CNBD1: variants seen among roughly 807,000 people sequenced by gnomAD.
CNBD1 encodes the protein cyclic nucleotide binding domain containing 1, also known as cyclic nucleotide-binding domain-containing protein 1.
CNBD1 carries 71 observed loss-of-function variants against 54.4 expected under a neutral mutation model. The observed-to-expected ratio is 1.30, with a 90% CI of 1.08 to 1.59. The LOEUF is 1.59. Ranked by LOEUF, CNBD1 falls within the 40% of genes most tolerant of loss-of-function variation. The pLI, the probability that CNBD1 is intolerant of heterozygous loss-of-function variation, is 0.00. For synonymous variants in CNBD1, 182 were observed against 170.7 expected (o/e 1.07, Z -0.51); for missense variants, 659 against 518.0 (o/e 1.27, Z -2.64).
chr8:87,380,211 A>T (rs957255365), intron 10 of CNBD1, among the ~76,000 whole-genome samples: 1 of 152,016 alleles, frequency 6.6e-6, no homozygotes, highest in Non-Finnish European at 1.5e-5. Flanking sequence ...AAATGTCAAG[A>T]TAGAAATGCA....
intron 4 of CNBD1, among the ~76,000 whole-genome samples, chr8:87,192,083 G>A (rs1212698903): frequency 6.6e-6 from 1 of 152,036 alleles, no homozygotes; most frequent in Non-Finnish European, 1.5e-5. Context: ...CTATCAAAAT[G>A]ATAAAAAATT....
rs11273948 is a variant in CNBD1 at position 86,908,800 on chromosome 8, T to TTGAGATGGAGTCC, written c.272+3608_272+3609insAGATGGAGTCCTG. On this transcript the variant is annotated intron_variant, in intron 3 of 10. Coordinates refer to ENST00000518476, the MANE Select transcript of CNBD1 (RefSeq NM_173538.3). ...ATAAGAATTCTTTTTTTTTTTTTTT[T>TTGAGATGGAGTCC]TGTGCTGAGGGCAGGAGTGCAGTGG... 3.7e-5 allele frequency among the ~76,000 whole-genome samples: 5 copies of TTGAGATGGAGTCC among 135,776 alleles called. No homozygotes were observed. In the East Asian group the frequency reaches 8.5e-4, roughly 23 times the overall value. The allele number at this position is 135,776 out of a possible 152,430, so 89.1% of individuals were successfully genotyped here. A position where few individuals can be genotyped will look rare whatever the true frequency, so the allele number is the denominator to read the frequency against.
At chr8:86,913,099 A>C (rs1408923667) in intron 3 of CNBD1, among the ~76,000 whole-genome samples, 1 of 152,184 alleles carries the variant, frequency 6.6e-6, no homozygotes, top group Non-Finnish European at 1.5e-5. Flanking sequence ...AAATCTTATA[A>C]AGTCAAAATG....
In CNBD1 at chr8:87,377,862, A is replaced by G. The variant is rs1049515893; in HGVS notation, c.1304-4758A>G. 8.3e-3 allele frequency among the ~76,000 whole-genome samples: 1,243 copies of G among 149,244 alleles called. 22 individuals are homozygous for G. The highest frequency in any genetic ancestry group is 0.029 in the African/African-American group (1,132 of 39,042). On this transcript the variant is annotated intron_variant, in intron 10 of 10. Transcript: ENST00000518476. ...TTGCCATTCTAACTGGTGTGAGATG[A>G]TATCTCACTGTGGTTTCGATTTGCA...
chr8:87,259,787 G>A (rs911386861), intron 6 of CNBD1, among the ~76,000 whole-genome samples: 1 of 152,136 alleles, frequency 6.6e-6, no homozygotes, highest in Non-Finnish European at 1.5e-5. Flanking sequence ...TTTTCCTAAG[G>A]AGTCCAGACT....
chr8:86,933,450 T>C (rs902221833), intron 3 of CNBD1, among the ~76,000 whole-genome samples: 2 of 152,176 alleles, frequency 1.3e-5, no homozygotes, highest in African/African-American at 4.8e-5. Flanking sequence ...ATGTACACAA[T>C]GTTGAATACA....
chr8:87,197,581 C>T (rs531653913), intron 4 of CNBD1, among the ~76,000 whole-genome samples: 1 of 151,824 alleles, frequency 6.6e-6, no homozygotes, highest in Non-Finnish European at 1.5e-5. Context: ...TCTCCATGGC[C>T]CAAATCAGGC....
intron 2 of CNBD1, among the ~76,000 whole-genome samples, chr8:87,421,413 C>A (rs1334752653): frequency 3.0e-5 from 4 of 131,488 alleles, no homozygotes; most frequent in Non-Finnish European, 6.6e-5. Context: ...TCCCAATGCT[C>A]TCCCTCCCCC....
chr8:87,021,266 A>G (rs1462243676), intron 4 of CNBD1, among the ~76,000 whole-genome samples: 1 of 151,650 alleles, frequency 6.6e-6, no homozygotes, highest in African/African-American at 2.4e-5. Context: ...TTTCATCAAT[A>G]ATGTTAAATA....
At chr8:87,368,335 T>C (rs1259631247) in intron 10 of CNBD1, among the ~76,000 whole-genome samples, 1 of 151,912 alleles carries the variant, frequency 6.6e-6, no homozygotes, top group Non-Finnish European at 1.5e-5. Flanking sequence ...AAGATAAATA[T>C]GTAATTAATA....
At chr8:87,323,902 C>T (rs1809600040) in intron 8 of CNBD1, among the ~76,000 whole-genome samples, 1 of 137,304 alleles carries the variant, frequency 7.3e-6, no homozygotes, top group Non-Finnish European at 1.6e-5. Flanking sequence ...GGAATGCTTC[C>T]AGTTTTTGCC....
intron 1 of CNBD1, among the ~76,000 whole-genome samples, chr8:86,880,586 A>C (rs1586107567): frequency 6.6e-6 from 1 of 152,296 alleles, no homozygotes; most frequent in East Asian, 1.9e-4. Flanking sequence ...CCCCATGGAT[A>C]TTGATGGACA....
chr8:86,911,149 G>A (rs1482537732), intron 3 of CNBD1, among the ~76,000 whole-genome samples: 4 of 152,130 alleles, frequency 2.6e-5, no homozygotes, highest in Admixed American at 6.6e-5. Context: ...AACATACCTG[G>A]TTTCCAGGTA....
intron 4 of CNBD1, among the ~76,000 whole-genome samples, chr8:86,955,095 G>C (rs1807728888): frequency 6.6e-6 from 1 of 151,046 alleles, no homozygotes; most frequent in Non-Finnish European, 1.5e-5. Flanking sequence ...TTGGTGTTCT[G>C]TCCTTGCAAT....
At chr8:87,235,275 C>T (rs1363570042) in intron 5 of CNBD1, among the ~76,000 whole-genome samples, 2 of 152,156 alleles carry the variant, frequency 1.3e-5, no homozygotes, top group African/African-American at 4.8e-5. Context: ...TAAATTTCTA[C>T]AAGAACTGTT....
intron 4 of CNBD1, among the ~76,000 whole-genome samples, chr8:87,033,465 G>C (rs1047386874): frequency 2.0e-5 from 3 of 152,134 alleles, no homozygotes; most frequent in Non-Finnish European, 2.9e-5. Flanking sequence ...AAGTGTTCTT[G>C]TTGTCCAGGC....
chr8:87,384,031 G>C (rs563425528), downstream of CNBD1, among the ~76,000 whole-genome samples: 2 of 151,772 alleles, frequency 1.3e-5, no homozygotes, highest in East Asian at 3.9e-4. Flanking sequence ...ATTTTAAAAA[G>C]GCTCATTCAA....
chr8:86,880,859 G>C (rs1382177179), intron 1 of CNBD1, among the ~76,000 whole-genome samples: 2 of 152,112 alleles, frequency 1.3e-5, no homozygotes, highest in African/African-American at 2.4e-5. Context: ...TGGGATGCAA[G>C]GTTGGTTCAA....
intron 4 of CNBD1, among the ~76,000 whole-genome samples, chr8:87,080,276 T>G (rs555658288): frequency 2.6e-5 from 4 of 152,292 alleles, no homozygotes; most frequent in African/African-American, 9.6e-5. Context: ...TCTAGGTCAG[T>G]GTAATACTTA....
Sources: gnomAD v4.1 joint callset for allele counts (sites outside exome capture counted in the v4.1 genomes callset) on GRCh38, gnomAD v4.1.1 for gene constraint, MANE v1.5 for transcripts, NCBI Gene and HGNC (gene_info 2026-07-23, HGNC 2026-07-21) for gene names.